Variants in PGM5 observed in about 807,000 individuals in gnomAD.
PGM5 encodes the protein phosphoglucomutase-like protein 5.
A neutral mutation model predicts 59.2 loss-of-function variants in PGM5; 23 were observed. The observed-to-expected ratio is 0.39, with a 90% CI of 0.28 to 0.55. PGM5 has a LOEUF of 0.55. PGM5 is among the 20% of genes least tolerant of loss of function. The pLI, the probability that PGM5 is intolerant of heterozygous loss-of-function variation, is 0.66. For synonymous variants in PGM5, 214 were observed against 286.0 expected (o/e 0.75, Z 2.54); for missense variants, 574 against 748.3 (o/e 0.77, Z 2.72).
intron 10 of PGM5, among the ~76,000 whole-genome samples, chr9:68,501,860 T>G (rs1204572475): frequency 6.6e-6 from 1 of 152,254 alleles, no homozygotes; most frequent in East Asian, 1.9e-4. Context: ...TGAACACATG[T>G]GAACAGAGCA....
In PGM5 at chr9:68,474,447, T is replaced by A. The variant is rs187608991; in HGVS notation, c.1160-4971T>A. Among the ~76,000 whole-genome samples, 30 of 152,312 alleles carry A rather than the reference T, an allele frequency of 2.0e-4. No individual in the cohort carries two copies. The East Asian group carries it at 5.2e-3, about 26-fold the overall frequency. On this transcript the variant is annotated intron_variant, in intron 7 of 10. Transcript: ENST00000396396. ...TTGAGCATTCTCTTTATTTTTCCCT[T>A]TTCTTTTGTGAGGGCAATATACTTA... is the stretch of plus-strand genomic sequence containing the variant.
chr9:68,460,464 C>T (rs1333136392), intron 6 of PGM5, among the ~76,000 whole-genome samples: 11 of 152,146 alleles, frequency 7.2e-5, no homozygotes, highest in Non-Finnish European at 4.4e-5. Context: ...TATCCTTTTG[C>T]TCCTCAAACC....
chr9:68,425,754 A>G (rs1022589607), intron 6 of PGM5, among the ~76,000 whole-genome samples: 10 of 152,194 alleles, frequency 6.6e-5, no homozygotes, highest in African/African-American at 4.8e-5. Flanking sequence ...GCCAAACAGT[A>G]TGATAATTTG....
intron 10 of PGM5, among the ~76,000 whole-genome samples, chr9:68,508,236 A>G (rs1425626876): frequency 2.0e-5 from 3 of 152,190 alleles, no homozygotes; most frequent in Admixed American, 2.0e-4. Flanking sequence ...GAATACCGGC[A>G]TTGCCAGCTT....
intron 7 of PGM5, chr9:68,466,049 C>T (rs1823928915): frequency 1.2e-6 from 1 of 839,598 alleles, no homozygotes; most frequent in African/African-American, 1.8e-5. Flanking sequence ...TTCTTTGTCT[C>T]TTGTCCTTCT....
chr9:68,525,462 G>A (rs1205525976), intron 10 of PGM5, among the ~76,000 whole-genome samples: 1 of 152,166 alleles, frequency 6.6e-6, no homozygotes, highest in Non-Finnish European at 1.5e-5. Context: ...CCATAGGATT[G>A]GAATGGAGCA....
intron 1 of PGM5, among the ~76,000 whole-genome samples, chr9:68,369,164 G>A (rs1199228632): frequency 1.3e-5 from 2 of 152,168 alleles, no homozygotes; most frequent in Admixed American, 6.5e-5. Context: ...GAGTCTGTTA[G>A]GTACTAGACA....
Position 68,410,558 on chromosome 9 carries a change from TGAG to T in PGM5, c.1043+18107_1043+18109del, listed in dbSNP as rs574549509. Among the ~76,000 whole-genome samples, 1,400 of 151,804 alleles carry T rather than the reference TGAG, an allele frequency of 9.2e-3. 21 individuals are homozygous for T. The highest frequency in any genetic ancestry group is 0.031 in the African/African-American group (1,279 of 41,330). ...TTGATGATGGTGATGAGGATGATGATGAGGAGGAGGAGGAGGAGGAGGAGAGGA... is the reference window on the plus strand; with the variant it reads ...TTGATGATGGTGATGAGGATGATGATGAGGAGGAGGAGGAGGAGGAGAGGA... On this transcript the variant is annotated intron_variant, in intron 6 of 10. Transcript: ENST00000396396.
chr9:68,397,541 G>A (rs1822541973), intron 6 of PGM5: 1 of 152,158 alleles, frequency 6.6e-6, no homozygotes, highest in Non-Finnish European at 1.5e-5. Flanking sequence ...CCCTCTATTT[G>A]CTCTTATGCC....
intron 10 of PGM5, among the ~76,000 whole-genome samples, chr9:68,523,971 A>G (rs2132120886): frequency 6.6e-6 from 1 of 151,956 alleles, no homozygotes; most frequent in East Asian, 1.9e-4. Flanking sequence ...CCAGAGTAAG[A>G]AGTTCAGTTT....
At chr9:68,479,068 T>A (rs1300660542) in intron 7 of PGM5, among the ~76,000 whole-genome samples, 2 of 152,232 alleles carry the variant, frequency 1.3e-5, no homozygotes, top group African/African-American at 4.8e-5. Flanking sequence ...TAAAGAACTA[T>A]CTTGTTCACT....
intron 10 of PGM5, among the ~76,000 whole-genome samples, chr9:68,517,604 T>C: frequency 6.6e-6 from 1 of 152,228 alleles, no homozygotes; most frequent in Admixed American, 6.5e-5. Context: ...TGTCTTTAAT[T>C]ATTGCATTGT....
intron 9 of PGM5, among the ~76,000 whole-genome samples, chr9:68,488,050 C>T: frequency 6.6e-6 from 1 of 152,012 alleles, no homozygotes; most frequent in Non-Finnish European, 1.5e-5. Flanking sequence ...CAAATGATAA[C>T]AATTGGTTAA....
chr9:68,456,824 C>T (rs1488642937), intron 6 of PGM5, among the ~76,000 whole-genome samples: 1 of 151,830 alleles, frequency 6.6e-6, no homozygotes, highest in Non-Finnish European at 1.5e-5. Flanking sequence ...TGGGGTTTTG[C>T]CATCTTGGCC....
chr9:68,460,960 G>A lies in PGM5; in HGVS notation c.1044-4133G>A, dbSNP rs977366464. On this transcript the variant is annotated intron_variant, in intron 6 of 10. Coordinates refer to ENST00000396396, the MANE Select transcript of PGM5 (RefSeq NM_021965.4). ...TAAAGACCCATACCACGGAAGCTCC[G>A]CAGCAGGAAGGGTCACGTTGGATTG... 5.9e-5 allele frequency among the ~76,000 whole-genome samples: 9 copies of A among 152,170 alleles called. No homozygotes were observed. The East Asian group carries it at 7.7e-4, about 13-fold the overall frequency.
At chr9:68,510,394 G>A (rs983008040) in intron 10 of PGM5, among the ~76,000 whole-genome samples, 1 of 151,914 alleles carries the variant, frequency 6.6e-6, no homozygotes, top group South Asian at 2.1e-4. Context: ...CTCGTGATCC[G>A]CCCACCTCAG....
intron 1 of PGM5, among the ~76,000 whole-genome samples, chr9:68,373,772 A>G (rs1307289311): frequency 2.6e-5 from 4 of 152,216 alleles, no homozygotes; most frequent in Admixed American, 6.5e-5. Flanking sequence ...CCATAGTCCA[A>G]TGAGGATGTC....
At chr9:68,479,274 T>G in intron 7 of PGM5, 144 bp from the exon 8 acceptor site, 1 of 672,684 alleles carries the variant, frequency 1.5e-6, no homozygotes, top group Non-Finnish European at 2.4e-6. Flanking sequence ...GCAAATGTAT[T>G]AGGAGACATA....
chr9:68,515,322 T>C (rs537535281), intron 10 of PGM5, among the ~76,000 whole-genome samples: 8 of 152,352 alleles, frequency 5.3e-5, no homozygotes, highest in Admixed American at 1.3e-4. Flanking sequence ...TCCATGTTTT[T>C]AGTGCCTGGT....
Sources: allele counts gnomAD v4.1 joint callset (sites outside exome capture counted in the v4.1 genomes callset), GRCh38; gene constraint gnomAD v4.1.1; transcripts MANE v1.5; gene names NCBI Gene and HGNC (gene_info 2026-07-23, HGNC 2026-07-21).